CCDC88A: variants seen among roughly 807,000 people sequenced by gnomAD.
The protein encoded by CCDC88A is girdin.
A neutral mutation model predicts 234.3 loss-of-function variants in CCDC88A; 54 were observed. The observed-to-expected ratio is 0.23, with a 90% CI of 0.19 to 0.29. CCDC88A has a LOEUF of 0.29. CCDC88A is among the 10% of genes least tolerant of loss of function. CCDC88A has a pLI of 1.00. For missense variants in CCDC88A, 1,832 were observed against 2,123.4 expected, an observed-to-expected ratio of 0.86 and a Z score of 2.70; for synonymous variants, 753 against 737.8, an observed-to-expected ratio of 1.02 and a Z score of -0.33.
intron 2 of CCDC88A, among the ~76,000 whole-genome samples, chr2:55,389,571 G>A (rs1170596140): frequency 6.6e-6 from 1 of 152,136 alleles, no homozygotes; most frequent in Non-Finnish European, 1.5e-5. Context: ...TTTCTACACA[G>A]TCCATTGCAT....
intron 22 of CCDC88A, 58 bp from the exon 23 acceptor site, chr2:55,312,637 T>A: frequency 1.6e-6 from 2 of 1,239,964 alleles, no homozygotes; most frequent in Admixed American, 2.0e-5. Flanking sequence ...ATAAATCAAC[T>A]GAAAAATATG....
chr2:55,333,252 T>C (rs1992128), intron 15 of CCDC88A, among the ~76,000 whole-genome samples: 59,753 of 152,086 alleles, frequency 0.39, 12,471 homozygotes, highest in East Asian at 0.85. Context: ...GCCAGAATGC[T>C]AATATACTTT....
intron 8 of CCDC88A, 166 bp downstream of exon 8, chr2:55,355,411 CTG>C: frequency 1.7e-6 from 1 of 604,610 alleles, no homozygotes; most frequent in East Asian, 2.9e-5. Flanking sequence ...ATCCTTTAAA[CTG>C]TTAAGATTTA....
chr2:55,349,114 GT>G (rs1669546594), intron 9 of CCDC88A: 1 of 156,020 alleles, frequency 6.4e-6, no homozygotes, highest in South Asian at 2.1e-4. Flanking sequence ...AATAGGAAAA[GT>G]GAAAAAAATC....
At chr2:55,392,222 C>T (rs529467561) in intron 2 of CCDC88A, among the ~76,000 whole-genome samples, 1 of 152,304 alleles carries the variant, frequency 6.6e-6, no homozygotes, top group South Asian at 2.1e-4. Context: ...AACAGCACCA[C>T]CTTAACAACT....
chr2:55,291,600 C>T, intron 32 of CCDC88A, 76 bp downstream of exon 32: 1 of 592,562 alleles, frequency 1.7e-6, no homozygotes, highest in Non-Finnish European at 3.0e-6. Flanking sequence ...ATGCAATGTG[C>T]ACTTGTTTCA....
intron 2 of CCDC88A, chr2:55,404,048 A>G (rs1365957366): frequency 6.6e-6 from 1 of 152,196 alleles, no homozygotes; most frequent in Non-Finnish European, 1.5e-5. Context: ...CTTATCTACT[A>G]TGGCTTTCAC....
chr2:55,339,972 C>T, intron 12 of CCDC88A: 2 of 180,654 alleles, frequency 1.1e-5, no homozygotes, highest in Non-Finnish European at 2.3e-5. Flanking sequence ...GCCGGGACTG[C>T]AGGTACAGCC....
At position 55,346,460 on chromosome 2, in the gene CCDC88A, C is replaced by T. The variant is rs1669119461; in HGVS notation, c.883-127G>A. The T allele has an allele frequency of 6.0e-6, 3 of 498,706 alleles. 1 individual carries two copies. In the South Asian group the frequency reaches 9.9e-5, roughly 16 times the overall value. The allele number at this position is 498,706 out of a possible 1,614,324, so 30.9% of individuals were successfully genotyped here. ...TTGAGATGGAGTTTCACTCTTGTTG[C>T]CCAGGCTGGAGTGCAATGGTGCAAT... On this transcript the variant is annotated intron_variant, in intron 9 of 32. Transcript: ENST00000436346.
rs1679221508 is a variant in CCDC88A, at chr2:55,288,562, A to C, written c.*2638T>G. On this transcript the variant is annotated 3_prime_UTR_variant, in exon 33 of 33. Coordinates refer to ENST00000436346, the MANE Select transcript of CCDC88A (RefSeq NM_001365480.1). The stretch of plus-strand genomic sequence containing the variant: ...TCTATAATATGCACAGTGATTTTAA[A>C]ATAGGCTTTTTGCATGCCTTGCATG... 1 of 152,678 alleles carries C rather than the reference A, an allele frequency of 6.5e-6. No individual in the cohort carries two copies. Among genetic ancestry groups the C allele is most frequent in the African/African-American group, 2.4e-5 (1 of 41,478 alleles). 9.5% of individuals were successfully genotyped at this position (152,678 alleles called of 1,614,324 possible).
At position 55,370,463 on chromosome 2, in the gene CCDC88A, GA is replaced by G. The variant is rs1201106803; in HGVS notation, c.402+1988del. Among the ~76,000 whole-genome samples the G allele has an allele frequency of 2.0e-5, 3 of 151,604 alleles. No homozygotes were observed. The East Asian group carries it at 5.8e-4, about 29-fold the overall frequency. On this transcript the variant is annotated intron_variant, in intron 5 of 32. Coordinates refer to ENST00000436346, the MANE Select transcript of CCDC88A (RefSeq NM_001365480.1). ...TTGAGACTAGCCTGGCCAACATGGTGAAACCCTGTCTCTACTAAAAATAAAA... is the reference window on the plus strand; with the variant it reads ...TTGAGACTAGCCTGGCCAACATGGTGAACCCTGTCTCTACTAAAAATAAAA...
chr2:55,360,076 G>A (rs1671092915), intron 7 of CCDC88A, among the ~76,000 whole-genome samples: 1 of 152,132 alleles, frequency 6.6e-6, no homozygotes, highest in Admixed American at 6.5e-5. Flanking sequence ...TAATAAAACA[G>A]TATGTGTTAA....
rs1162529350 is a variant in CCDC88A at position 55,391,516 on chromosome 2, C to A, written c.165-2630G>T. Among the ~76,000 whole-genome samples, 5 of 152,228 alleles carry A rather than the reference C, an allele frequency of 3.3e-5. No individual in the cohort carries two copies. In the East Asian group the frequency reaches 7.7e-4, roughly 24 times the overall value. On this transcript the variant is annotated intron_variant, in intron 2 of 32. Transcript: ENST00000436346. ...CATGGAAATAACAGACAAGGACTTT[C>A]TACTAAAGGATTTAAAGAAAGACAT...
In CCDC88A at chr2:55,419,535, C is replaced by G. The variant is rs762998713; in HGVS notation, c.-456G>C. 1.3e-5 allele frequency: 2 copies of G among 158,504 alleles called. No individual in the cohort carries two copies. Among genetic ancestry groups the G allele is most frequent in the African/African-American group, 2.4e-5 (1 of 40,820 alleles). 9.8% of individuals were successfully genotyped at this position (158,504 alleles called of 1,614,324 possible). A position where few individuals can be genotyped will look rare whatever the true frequency, so the allele number is the denominator to read the frequency against. On this transcript the variant is annotated 5_prime_UTR_variant, in exon 1 of 33. Transcript: ENST00000436346. ...ATACCGAGGCGCCACCAGACTCGAC[C>G]TCGGCGTTCCGACCTCTACACGTTC...
chr2:55,331,674 C>G (rs1194605233), intron 16 of CCDC88A: 2 of 152,098 alleles, frequency 1.3e-5, no homozygotes, highest in African/African-American at 4.8e-5. Flanking sequence ...CAGATTAACT[C>G]TGTTTGATAG....
intron 31 of CCDC88A, chr2:55,293,012 T>C (rs1679609980): frequency 6.6e-6 from 1 of 152,008 alleles, no homozygotes; most frequent in African/African-American, 2.4e-5. Context: ...CAGTGTATTT[T>C]TTTTTTTTTT....
In CCDC88A at chr2:55,368,894, C is replaced by T. The variant is rs543241470; in HGVS notation, c.402+3558G>A. 7.9e-5 allele frequency among the ~76,000 whole-genome samples: 12 copies of T among 152,296 alleles called. 1 individual carries two copies. Among genetic ancestry groups the T allele is most frequent in the African/African-American group, 2.6e-4 (11 of 41,560 alleles). On this transcript the variant is annotated intron_variant, in intron 5 of 32. Coordinates refer to ENST00000436346, the MANE Select transcript of CCDC88A (RefSeq NM_001365480.1). ...GTTGGCTGATTGGTTTCCTCAATAG[C>T]TTCTTGTCCAGAAACACATTCTGGC... is the stretch of plus-strand genomic sequence containing the variant.
intron 5 of CCDC88A, among the ~76,000 whole-genome samples, chr2:55,366,138 C>T (rs889022647): frequency 6.6e-6 from 1 of 152,098 alleles, no homozygotes; most frequent in Non-Finnish European, 1.5e-5. Flanking sequence ...ATGTAAAGTT[C>T]TTAAACTATC....
At chr2:55,402,785 G>A (rs533432887) in intron 2 of CCDC88A, among the ~76,000 whole-genome samples, 13 of 151,794 alleles carry the variant, frequency 8.6e-5, no homozygotes, top group African/African-American at 2.4e-4. Flanking sequence ...CAAGGCAGGC[G>A]GATCACAAGG....
Sources: gnomAD v4.1 joint callset for allele counts (sites outside exome capture counted in the v4.1 genomes callset) on GRCh38, gnomAD v4.1.1 for gene constraint, MANE v1.5 for transcripts, NCBI Gene and HGNC (gene_info 2026-07-23, HGNC 2026-07-21) for gene names.